The following NAV2 variants were observed in gnomAD, a reference collection of about 807,000 sequenced individuals.
NAV2 encodes the protein helicase, APC down-regulated 1.
In NAV2, 54 loss-of-function variants were observed where a neutral mutation model predicts 223.2. That is an observed-to-expected ratio of 0.24 (90% confidence interval 0.19 to 0.30). The LOEUF (loss-of-function observed/expected upper bound fraction) is 0.30, where lower values mean the gene tolerates loss of function less well. Ranked by LOEUF, NAV2 falls within the 10% of genes least tolerant of loss-of-function variation. The pLI, the probability that NAV2 is intolerant of heterozygous loss-of-function variation, is 1.00. For missense variants in NAV2, 2,806 were observed against 3,147.5 expected (o/e 0.89, Z 2.60); for synonymous variants, 1,279 against 1,239.3 (o/e 1.03, Z -0.67).
intron 1 of NAV2, among the ~76,000 whole-genome samples, chr11:19,761,089 G>A (rs2054700981): frequency 2.0e-5 from 3 of 152,138 alleles, no homozygotes; most frequent in African/African-American, 7.2e-5. Flanking sequence ...ACAGCTGGTG[G>A]GGAATCCAAC....
intron 6 of NAV2, among the ~76,000 whole-genome samples, chr11:19,911,754 A>T (rs2043335578): frequency 1.3e-5 from 2 of 152,192 alleles, no homozygotes; most frequent in South Asian, 4.1e-4. Flanking sequence ...ACAGAGCTGC[A>T]GCAAAGGCGG....
intron 1 of NAV2, among the ~76,000 whole-genome samples, chr11:19,412,022 C>T (rs1296145319): frequency 3.9e-5 from 6 of 152,158 alleles, no homozygotes; most frequent in Non-Finnish European, 8.8e-5. Flanking sequence ...TTCGAGCTAG[C>T]TGCAGGTGTT....
At chr11:20,054,022 AG>A (rs1458899321) in intron 17 of NAV2, 57 bp from the exon 18 acceptor site, 4 of 1,531,632 alleles carry the variant, frequency 2.6e-6, no homozygotes, top group East Asian at 4.6e-5. Flanking sequence ...AGCTCCACAG[AG>A]TTCATTTTAA....
At chr11:19,551,010 C>T (rs10741777) in intron 1 of NAV2, among the ~76,000 whole-genome samples, 46,569 of 152,244 alleles carry the variant, frequency 0.31, 7,770 homozygotes, top group East Asian at 0.48. Flanking sequence ...GGGCTACTCT[C>T]AGCACACTGC....
intron 1 of NAV2, among the ~76,000 whole-genome samples, chr11:19,455,154 G>A (rs1361609237): frequency 6.6e-6 from 1 of 152,188 alleles, no homozygotes; most frequent in African/African-American, 2.4e-5. Flanking sequence ...TCTTGGTAGG[G>A]CCAGGTTGGG....
chr11:20,035,677 G>A (rs1415768223), intron 11 of NAV2, among the ~76,000 whole-genome samples: 2 of 152,200 alleles, frequency 1.3e-5, no homozygotes, highest in African/African-American at 2.4e-5. Context: ...TTCTCAGGAT[G>A]AAGTTGAGAA....
intron 1 of NAV2, among the ~76,000 whole-genome samples, chr11:19,605,234 C>T (rs2046445372): frequency 6.6e-6 from 1 of 152,056 alleles, no homozygotes; most frequent in South Asian, 2.1e-4. Context: ...AAAAAATACC[C>T]ACAGCTGGTT....
At chr11:19,989,387 G>A (rs1303533933) in intron 11 of NAV2, among the ~76,000 whole-genome samples, 1 of 152,136 alleles carries the variant, frequency 6.6e-6, no homozygotes, top group Non-Finnish European at 1.5e-5. Flanking sequence ...TCTATGTAGG[G>A]GAAAAGCCAT....
chr11:19,723,805 C>T (rs999989614), intron 1 of NAV2, among the ~76,000 whole-genome samples: 3 of 152,340 alleles, frequency 2.0e-5, no homozygotes, highest in Admixed American at 2.0e-4. Flanking sequence ...GTCCTCCTGC[C>T]ACATGCTGGC....
chr11:19,765,076 T>C (rs1208830720), intron 1 of NAV2, among the ~76,000 whole-genome samples: 1 of 152,104 alleles, frequency 6.6e-6, no homozygotes, highest in Admixed American at 6.6e-5. Flanking sequence ...TGCAGTCATC[T>C]CTCCATGGTG....
At chr11:19,590,679 GAGA>G (rs2046035538) in intron 1 of NAV2, among the ~76,000 whole-genome samples, 1 of 152,190 alleles carries the variant, frequency 6.6e-6, no homozygotes, top group South Asian at 2.1e-4. Flanking sequence ...GGCAGATATG[GAGA>G]AGTGAGGAAG....
At chr11:19,580,730 G>A (rs902264750) in intron 1 of NAV2, among the ~76,000 whole-genome samples, 3 of 152,150 alleles carry the variant, frequency 2.0e-5, no homozygotes, top group African/African-American at 7.2e-5. Flanking sequence ...CTATTATGGG[G>A]AGTACCGCAT....
intron 1 of NAV2, among the ~76,000 whole-genome samples, chr11:19,568,036 C>A (rs1232039089): frequency 6.6e-6 from 1 of 152,248 alleles, no homozygotes; most frequent in Admixed American, 6.5e-5. Flanking sequence ...AGCTGTGATC[C>A]TGCAGCTGAT....
intron 1 of NAV2, among the ~76,000 whole-genome samples, chr11:19,362,494 C>T (rs942543337): frequency 1.3e-5 from 2 of 152,126 alleles, no homozygotes; most frequent in African/African-American, 2.4e-5. Context: ...AAAAGTTCGT[C>T]AATGTACCAC....
intron 36 of NAV2, 98 bp downstream of exon 36, chr11:20,107,880 C>T (rs936884045): frequency 1.2e-6 from 1 of 824,034 alleles, no homozygotes; most frequent in Non-Finnish European, 2.0e-6. Flanking sequence ...ATCTGACTGA[C>T]ATGGGGTGAC....
intron 1 of NAV2, among the ~76,000 whole-genome samples, chr11:19,618,208 GGATGGATGGATGGATA>G (rs777482980): frequency 1.2e-4 from 18 of 152,218 alleles, no homozygotes; most frequent in African/African-American, 3.1e-4. Context: ...TTTGTTGCAT[GGATGGATGGATGGATA>G]GATGGATGGA....
chr11:19,797,961 G>T (rs1411178331), intron 1 of NAV2, among the ~76,000 whole-genome samples: 1 of 152,144 alleles, frequency 6.6e-6, no homozygotes, highest in South Asian at 2.1e-4. Flanking sequence ...AGATGGTTCT[G>T]ATCAGCTTAA....
chr11:19,639,192 G>T (rs2047588797), intron 1 of NAV2, among the ~76,000 whole-genome samples: 1 of 152,132 alleles, frequency 6.6e-6, no homozygotes, highest in Non-Finnish European at 1.5e-5. Context: ...TAAAATGTTT[G>T]CTCAAAGAAT....
chr11:20,101,826 G>T (rs1159370711), intron 32 of NAV2, among the ~76,000 whole-genome samples: 1 of 152,206 alleles, frequency 6.6e-6, no homozygotes, highest in Non-Finnish European at 1.5e-5. Context: ...CCGAGAGTTG[G>T]AAAGTGCTTT....
Sources: allele counts gnomAD v4.1 joint callset (sites outside exome capture counted in the v4.1 genomes callset), GRCh38; gene constraint gnomAD v4.1.1; transcripts MANE v1.5; gene names NCBI Gene and HGNC (gene_info 2026-07-23, HGNC 2026-07-21).